IGF2BP3: variants seen among roughly 807,000 people sequenced by gnomAD.
IGF2BP3 encodes the protein insulin like growth factor 2 mRNA binding protein 3.
In IGF2BP3, 9 loss-of-function variants were observed where a neutral mutation model predicts 73.8. That is an observed-to-expected ratio of 0.12 (90% confidence interval 0.07 to 0.21). The LOEUF (loss-of-function observed/expected upper bound fraction) is 0.21, where lower values mean the gene tolerates loss of function less well. Among genes scored for constraint, IGF2BP3 ranks in the 10% least tolerant of loss-of-function variants. The pLI is 1.00. For missense variants in IGF2BP3, 542 were observed against 714.0 expected (o/e 0.76, Z 2.75); for synonymous variants, 258 against 256.7 (o/e 1.01, Z -0.05).
At chr7:23,342,016 A>T in intron 10 of IGF2BP3, 48 bp downstream of exon 10, 1 of 1,500,412 alleles carries the variant, frequency 6.7e-7, no homozygotes. Flanking sequence ...CTAGGTTTAC[A>T]TTAAGATTTT....
chr7:23,366,166 C>T (rs1280781210), intron 3 of IGF2BP3, among the ~76,000 whole-genome samples: 2 of 150,426 alleles, frequency 1.3e-5, no homozygotes, highest in Middle Eastern at 3.4e-3. Flanking sequence ...TAGACAGAGT[C>T]TCACTCTATC....
At chr7:23,410,172 A>T (rs1429907996) in intron 3 of IGF2BP3, among the ~76,000 whole-genome samples, 2 of 151,940 alleles carry the variant, frequency 1.3e-5, no homozygotes, top group Non-Finnish European at 2.9e-5. Flanking sequence ...CCATCTTAAA[A>T]TTTTTTTTAA....
At chr7:23,351,150 C>G (rs1323217815) in intron 6 of IGF2BP3, among the ~76,000 whole-genome samples, 155 bp downstream of exon 6, 1 of 152,088 alleles carries the variant, frequency 6.6e-6, no homozygotes, top group Admixed American at 6.6e-5. Context: ...GAAATGAACA[C>G]CAAGATACTG....
chr7:23,407,681 T>G (rs1786880035), intron 3 of IGF2BP3, among the ~76,000 whole-genome samples: 1 of 151,196 alleles, frequency 6.6e-6, no homozygotes, highest in Admixed American at 6.6e-5. Context: ...ATCAAATACT[T>G]AAAGAAATAA....
At chr7:23,317,583 T>C (rs1200557407) in intron 12 of IGF2BP3, 56 bp downstream of exon 12, 29 of 1,331,810 alleles carry the variant, frequency 2.2e-5, no homozygotes, top group Non-Finnish European at 2.2e-6. Flanking sequence ...CGCCAGGTTA[T>C]GGACTACCTG....
intron 8 of IGF2BP3, among the ~76,000 whole-genome samples, chr7:23,344,937 A>G (rs901134959): frequency 2.6e-5 from 4 of 152,242 alleles, no homozygotes; most frequent in Non-Finnish European, 4.4e-5. Flanking sequence ...TGCTTCTAGA[A>G]TAACTTTTGA....
At chr7:23,344,351 A>C (rs1217768398) in intron 8 of IGF2BP3, among the ~76,000 whole-genome samples, 1 of 152,220 alleles carries the variant, frequency 6.6e-6, no homozygotes, top group East Asian at 1.9e-4. Context: ...ATATTCCAAA[A>C]ACACAAGCCA....
intron 3 of IGF2BP3, among the ~76,000 whole-genome samples, chr7:23,401,200 T>C (rs185569894): frequency 6.6e-6 from 1 of 152,202 alleles, no homozygotes; most frequent in Non-Finnish European, 1.5e-5. Flanking sequence ...ACCATCCATA[T>C]TTAAGATTCA....
At chr7:23,338,067 C>T (rs769917044) in intron 10 of IGF2BP3, among the ~76,000 whole-genome samples, 3 of 152,054 alleles carry the variant, frequency 2.0e-5, no homozygotes, top group Non-Finnish European at 4.4e-5. Context: ...AATCCTGATA[C>T]ATGTAGTATG....
chr7:23,429,427 G>C (rs1787610954), intron 2 of IGF2BP3, among the ~76,000 whole-genome samples: 1 of 152,196 alleles, frequency 6.6e-6, no homozygotes, highest in Non-Finnish European at 1.5e-5. Context: ...CTGTGTGGCA[G>C]GGTCAGCATA....
rs1783894405 is a variant in IGF2BP3, at chr7:23,313,664, A to G, written c.1396-11T>C. 1.2e-6 allele frequency: 2 copies of G among 1,612,702 alleles called. No individual in the cohort carries two copies. Among genetic ancestry groups the G allele is most frequent in the East Asian group, 2.2e-5 (1 of 44,870 alleles). ...AATTCTTCCCTGAGCCTGCAGATGA[A>G]AACACATCCTATTAGTGTCATTCAT... On this transcript the variant is annotated splice_polypyrimidine_tract_variant and intron_variant, in intron 12 of 14. Coordinates refer to ENST00000258729, the MANE Select transcript of IGF2BP3 (RefSeq NM_006547.3).
intron 6 of IGF2BP3, among the ~76,000 whole-genome samples, chr7:23,350,468 G>T (rs1354536399): frequency 6.6e-6 from 1 of 152,186 alleles, no homozygotes; most frequent in Non-Finnish European, 1.5e-5. Context: ...ACGGAGCTAG[G>T]TATGGGGGGA....
At chr7:23,424,721 G>A (rs1419905047) in intron 2 of IGF2BP3, among the ~76,000 whole-genome samples, 1 of 151,856 alleles carries the variant, frequency 6.6e-6, no homozygotes, top group Admixed American at 6.6e-5. Flanking sequence ...CCCCCACACC[G>A]GCCCTGCCTA....
At chr7:23,407,181 T>TAA (rs77237856) in intron 3 of IGF2BP3, among the ~76,000 whole-genome samples, 5 of 121,194 alleles carry the variant, frequency 4.1e-5, no homozygotes, top group Admixed American at 8.5e-5. Flanking sequence ...ATGTAGTTAT[T>TAA]AAAAAAAAAA....
intron 3 of IGF2BP3, among the ~76,000 whole-genome samples, chr7:23,404,351 T>C (rs1168743770): frequency 6.6e-6 from 1 of 152,134 alleles, no homozygotes; most frequent in African/African-American, 2.4e-5. Flanking sequence ...ATATCAGTCA[T>C]TACCATTAGC....
chr7:23,449,273 T>G (rs1244832936), intron 2 of IGF2BP3, among the ~76,000 whole-genome samples: 1 of 151,976 alleles, frequency 6.6e-6, no homozygotes, highest in African/African-American at 2.4e-5. Flanking sequence ...ATCCCAGCAC[T>G]TTGGGAGACC....
Position 23,410,674 on chromosome 7 carries a change from A to G in IGF2BP3, c.285+8102T>C, listed in dbSNP as rs77008253. Among the ~76,000 whole-genome samples, 1,350 of 152,290 alleles carry G rather than the reference A, an allele frequency of 8.9e-3. 26 individuals are homozygous for G. Among genetic ancestry groups the G allele is most frequent in the East Asian group, 0.082 (424 of 5,184 alleles). ...GAGAACTTTACTAATAACTTCCCCA[A>G]TGAAATTCATTCATCACTCATAACC... On this transcript the variant is annotated intron_variant, in intron 3 of 14. Coordinates refer to ENST00000258729, the MANE Select transcript of IGF2BP3 (RefSeq NM_006547.3).
intron 2 of IGF2BP3, among the ~76,000 whole-genome samples, chr7:23,420,009 G>A (rs909511421): frequency 2.0e-5 from 3 of 152,128 alleles, no homozygotes; most frequent in Middle Eastern, 3.4e-3. Context: ...GAAGGAAGAG[G>A]GCGACACATA....
intron 10 of IGF2BP3, among the ~76,000 whole-genome samples, chr7:23,323,363 G>A (rs1231431270): frequency 6.9e-6 from 1 of 144,790 alleles, no homozygotes; most frequent in Non-Finnish European, 1.5e-5. Flanking sequence ...TCAACAAGAA[G>A]AGCTAACTAT....
Sources: gnomAD v4.1 joint callset for allele counts (sites outside exome capture counted in the v4.1 genomes callset) on GRCh38, gnomAD v4.1.1 for gene constraint, MANE v1.5 for transcripts, NCBI Gene and HGNC (gene_info 2026-07-23, HGNC 2026-07-21) for gene names.